The following ZFAND6 variants were observed in gnomAD, a reference collection of about 807,000 sequenced individuals.
The protein encoded by ZFAND6 is zinc finger AN1-type containing 6, also known as AN1-type zinc finger protein 6.
In ZFAND6, 12 loss-of-function variants were observed where a neutral mutation model predicts 24.5. The ratio of observed to expected loss-of-function variants is 0.49; its 90% CI spans 0.31 to 0.79. ZFAND6 has a LOEUF of 0.79. Among genes scored for constraint, ZFAND6 ranks in the 30% least tolerant of loss-of-function variants. The pLI, the probability that ZFAND6 is intolerant of heterozygous loss-of-function variation, is 0.04. For missense variants in ZFAND6, 207 were observed against 245.9 expected (o/e 0.84, Z 1.06); for synonymous variants, 92 against 81.5 (o/e 1.13, Z -0.69).
chr15:80,074,388 G>A (rs11631796), intron 1 of ZFAND6, among the ~76,000 whole-genome samples: 7,074 of 151,608 alleles, frequency 0.047, 219 homozygotes, highest in Middle Eastern at 0.099. Flanking sequence ...TTTTCTTCTG[G>A]TAAGCACATA....
intron 1 of ZFAND6, among the ~76,000 whole-genome samples, chr15:80,068,795 A>G (rs2036808864): frequency 6.6e-6 from 1 of 152,230 alleles, no homozygotes; most frequent in Non-Finnish European, 1.5e-5. Context: ...GGAAATAGAA[A>G]ACCACATGTG....
At position 80,111,577 on chromosome 15, in the gene ZFAND6, A is replaced by G. The variant is rs903555968; in HGVS notation, c.-17-8751A>G. 13 of 455,838 alleles carry G rather than the reference A, an allele frequency of 2.9e-5. No individual in the cohort carries two copies. The East Asian group carries it at 6.9e-4, about 24-fold the overall frequency. The allele number at this position is 455,838 out of a possible 1,614,324, so 28.2% of individuals were successfully genotyped here. On this transcript the variant is annotated intron_variant, in intron 2 of 6. Transcript: ENST00000261749. The stretch of plus-strand genomic sequence containing the variant: ...GCCTCTTGGTGAGATTTATTTTACC[A>G]GTATAACTATATAGCAATATAGGAT...
In ZFAND6 at chr15:80,133,392, A is replaced by G. The variant is rs2040706190; in HGVS notation, c.478+2099A>G. Among the ~76,000 whole-genome samples the G allele has an allele frequency of 2.0e-5, 3 of 151,950 alleles. 1 individual carries two copies. Among genetic ancestry groups the G allele is most frequent in the Admixed American group, 2.0e-4 (3 of 15,248 alleles). ...ATTTCTTTAGTAGAGATGGGGTTTCACCACGTTGGCCAGGCTGCTCTCAAA... is the reference window on the plus strand; with the variant it reads ...ATTTCTTTAGTAGAGATGGGGTTTCGCCACGTTGGCCAGGCTGCTCTCAAA... On this transcript the variant is annotated intron_variant, in intron 6 of 6. Coordinates refer to ENST00000261749, the MANE Select transcript of ZFAND6 (RefSeq NM_019006.4).
At chr15:80,131,355 T>A (rs1451645845) in intron 6 of ZFAND6, 62 bp downstream of exon 6, 1 of 1,354,108 alleles carries the variant, frequency 7.4e-7, no homozygotes, top group East Asian at 2.4e-5. Context: ...CATAGCTTAC[T>A]GTTGTTGACT....
chr15:80,137,694 T>C lies in ZFAND6; in HGVS notation c.*66T>C, dbSNP rs2040925294. On this transcript the variant is annotated 3_prime_UTR_variant, in exon 7 of 7. Coordinates refer to ENST00000261749, the MANE Select transcript of ZFAND6 (RefSeq NM_019006.4). ...AAAAATTGACTTGAGGTTTTTTTTTTCCTAGTCATTGGGAATGTAGAGCAG... is the reference window on the plus strand; with the variant it reads ...AAAAATTGACTTGAGGTTTTTTTTTCCCTAGTCATTGGGAATGTAGAGCAG... 8.2e-6 allele frequency: 12 copies of C among 1,471,270 alleles called. No individual in the cohort carries two copies. Among genetic ancestry groups the C allele is most frequent in the East Asian group, 2.4e-5 (1 of 41,564 alleles). The allele number at this position is 1,471,270 out of a possible 1,614,324, so 91.1% of individuals were successfully genotyped here. A position where few individuals can be genotyped will look rare whatever the true frequency, so the allele number is the denominator to read the frequency against.
At chr15:80,078,739 TTAA>T (rs1460498530) in intron 1 of ZFAND6, among the ~76,000 whole-genome samples, 2 of 152,204 alleles carry the variant, frequency 1.3e-5, no homozygotes, top group Admixed American at 6.5e-5. Flanking sequence ...TTTTGACTTT[TTAA>T]TAATAGCCAT....
chr15:80,073,402 G>T, intron 1 of ZFAND6: 2 of 237,614 alleles, frequency 8.4e-6, no homozygotes, highest in Admixed American at 5.3e-5. Flanking sequence ...TAATTGTAGT[G>T]TATTTCAGTA....
intron 1 of ZFAND6, among the ~76,000 whole-genome samples, chr15:80,067,071 A>C (rs1015136146): frequency 6.6e-6 from 1 of 152,226 alleles, no homozygotes; most frequent in African/African-American, 2.4e-5. Flanking sequence ...CACAAATGGT[A>C]CATATGCAAA....
intron 1 of ZFAND6, among the ~76,000 whole-genome samples, chr15:80,074,483 C>G (rs2037152790): frequency 6.6e-6 from 1 of 151,706 alleles, no homozygotes; most frequent in Non-Finnish European, 1.5e-5. Flanking sequence ...CATTAGGAGA[C>G]TGGAGTAGTG....
chr15:80,136,018 C>T (rs1313835050), intron 6 of ZFAND6, among the ~76,000 whole-genome samples: 2 of 151,428 alleles, frequency 1.3e-5, no homozygotes, highest in African/African-American at 2.4e-5. Context: ...CCCAGCTACT[C>T]AGAAGGCTGA....
At position 80,101,791 on chromosome 15, in the gene ZFAND6, GTT is replaced by G. The variant is rs750632508; in HGVS notation, c.-18+3231_-18+3232del. 8.3e-3 allele frequency among the ~76,000 whole-genome samples: 1,024 copies of G among 123,020 alleles called. 13 individuals are homozygous for G. Among genetic ancestry groups the G allele is most frequent in the African/African-American group, 0.029 (951 of 32,338 alleles). The allele number at this position is 123,020 out of a possible 152,430, so 80.7% of individuals were successfully genotyped here. On this transcript the variant is annotated intron_variant, in intron 2 of 6. Coordinates refer to ENST00000261749, the MANE Select transcript of ZFAND6 (RefSeq NM_019006.4). ...ATTTTCTCTGGGTTTTATGTAAAGT[GTT>G]TTTTTTTTTTTTTTTTTGAGACGGA...
chr15:80,121,691 C>A, intron 3 of ZFAND6, 21 bp from the exon 4 acceptor site: 1 of 1,585,114 alleles, frequency 6.3e-7, no homozygotes, highest in Non-Finnish European at 8.7e-7. Context: ...ATCACTAATA[C>A]GCAATGTGGT....
chr15:80,124,159 C>A (rs766954300), intron 5 of ZFAND6, among the ~76,000 whole-genome samples: 4 of 152,174 alleles, frequency 2.6e-5, no homozygotes, highest in African/African-American at 4.8e-5. Context: ...AAAGACTGGG[C>A]GCGGTGGCTC....
intron 1 of ZFAND6, among the ~76,000 whole-genome samples, chr15:80,064,201 A>G (rs1417097606): frequency 2.0e-5 from 3 of 152,232 alleles, no homozygotes; most frequent in Non-Finnish European, 2.9e-5. Context: ...CTGTCTTACA[A>G]TCACTGAATC....
At chr15:80,129,236 G>A (rs1229685989) in intron 5 of ZFAND6, among the ~76,000 whole-genome samples, 1 of 152,176 alleles carries the variant, frequency 6.6e-6, no homozygotes, top group Non-Finnish European at 1.5e-5. Flanking sequence ...GGTTTGATGT[G>A]TCTATATTCT....
intron 1 of ZFAND6, among the ~76,000 whole-genome samples, chr15:80,079,290 G>A (rs867781072): frequency 8.6e-5 from 13 of 151,568 alleles, no homozygotes; most frequent in African/African-American, 2.9e-4. Flanking sequence ...GCGCGATCTC[G>A]GCTCACTGCA....
intron 1 of ZFAND6, among the ~76,000 whole-genome samples, chr15:80,066,597 G>C (rs1230377776): frequency 6.6e-6 from 1 of 152,144 alleles, no homozygotes; most frequent in Non-Finnish European, 1.5e-5. Flanking sequence ...ACAGGCGTGA[G>C]CCACCACGCC....
intron 1 of ZFAND6, among the ~76,000 whole-genome samples, chr15:80,073,960 T>C (rs573737936): frequency 1.9e-4 from 29 of 152,086 alleles, no homozygotes; most frequent in South Asian, 4.1e-4. Flanking sequence ...AGATTTCTTT[T>C]GGAAAAATCC....
intron 1 of ZFAND6, among the ~76,000 whole-genome samples, chr15:80,083,601 A>G (rs575900700): frequency 6.6e-6 from 1 of 152,256 alleles, no homozygotes; most frequent in East Asian, 1.9e-4. Context: ...AAGCGTGTTC[A>G]TGGAGATGAT....
Sources: allele counts gnomAD v4.1 joint callset (sites outside exome capture counted in the v4.1 genomes callset), GRCh38; gene constraint gnomAD v4.1.1; transcripts MANE v1.5; gene names NCBI Gene and HGNC (gene_info 2026-07-23, HGNC 2026-07-21).